RIMKLB: variants seen among roughly 807,000 people sequenced by gnomAD.
The protein encoded by RIMKLB is beta-citrylglutamate synthase B.
In RIMKLB, 7 loss-of-function variants were observed where a neutral mutation model predicts 32.0. The observed-to-expected ratio is 0.22, with a 90% CI of 0.12 to 0.41. RIMKLB has a LOEUF of 0.41. RIMKLB is among the 10% of genes least tolerant of loss of function. The pLI is 1.00. For missense variants in RIMKLB, 289 were observed against 498.7 expected (o/e 0.58, Z 4.00); for synonymous variants, 172 against 185.1 (o/e 0.93, Z 0.57).
Position 8,777,131 on chromosome 12 carries a change from A to T in RIMKLB, c.*3347A>T, listed in dbSNP as rs767613230. On this transcript the variant is annotated 3_prime_UTR_variant, in exon 6 of 6. Coordinates refer to ENST00000535829, the MANE Select transcript of RIMKLB (RefSeq NM_001297776.2). ...GTTTGTTTGTTCAATTTTATTTAAG[A>T]TTTGTTTTTGTTGTACTAGGATTTT... 16 of 976,788 alleles carry T rather than the reference A, an allele frequency of 1.6e-5. No homozygotes were observed. The East Asian group carries it at 1.3e-3, about 79-fold the overall frequency. The allele number at this position is 976,788 out of a possible 1,614,324, so 60.5% of individuals were successfully genotyped here. A position where few individuals can be genotyped will look rare whatever the true frequency, so the allele number is the denominator to read the frequency against.
chr12:8,681,922 G>A (rs1179738269), intron 1 of RIMKLB: 2 of 152,158 alleles, frequency 1.3e-5, no homozygotes, highest in Non-Finnish European at 2.9e-5. Context: ...TCAGTCGGAA[G>A]TACCGGGACT....
rs776992490 is a variant in RIMKLB, at chr12:8,767,359, A to C, written c.698-5962A>C. On this transcript the variant is annotated intron_variant, in intron 5 of 5. Coordinates refer to ENST00000535829, the MANE Select transcript of RIMKLB (RefSeq NM_001297776.2). ...GCTGTATGCCTAAATTGGGAGAGAC[A>C]CCAGGGACAAGACTCTCTGGCTTCG... Among the ~76,000 whole-genome samples, 24 of 152,284 alleles carry C rather than the reference A, an allele frequency of 1.6e-4. No homozygotes were observed. In the East Asian group the frequency reaches 4.0e-3, roughly 26 times the overall value.
chr12:8,688,808 G>A (rs1190871662), intron 1 of RIMKLB, among the ~76,000 whole-genome samples: 1 of 151,980 alleles, frequency 6.6e-6, no homozygotes, highest in Non-Finnish European at 1.5e-5. Flanking sequence ...TTAAAATAAT[G>A]TGTGAAGTGC....
chr12:8,670,008 C>T, the RIMKLB span, among the ~76,000 whole-genome samples: 6 of 115,784 alleles, frequency 5.2e-5, no homozygotes, highest in Admixed American at 3.8e-4. Context: ...GCCTGGGCGA[C>T]AGAGCAAGAC....
chr12:8,781,867 G>A (rs12299708), downstream of RIMKLB, among the ~76,000 whole-genome samples: 1 of 151,900 alleles, frequency 6.6e-6, no homozygotes, highest in South Asian at 2.1e-4. Flanking sequence ...GAATGTAAAT[G>A]TCAATTAAAT....
At chr12:8,781,019 AAT>A (rs754164843), downstream of RIMKLB, among the ~76,000 whole-genome samples, 18 of 152,230 alleles carry the variant, frequency 1.2e-4, no homozygotes, top group Non-Finnish European at 2.1e-4. Flanking sequence ...AGATAAATAA[AAT>A]ATGCATTGTT....
chr12:8,740,185 T>TA (rs1947373583), intron 2 of RIMKLB, among the ~76,000 whole-genome samples: 1 of 152,206 alleles, frequency 6.6e-6, no homozygotes. Context: ...GGATTATAAG[T>TA]GTAAGCTACC....
intron 2 of RIMKLB, among the ~76,000 whole-genome samples, chr12:8,740,688 C>T (rs1229555354): frequency 6.6e-6 from 1 of 152,214 alleles, no homozygotes; most frequent in African/African-American, 2.4e-5. Flanking sequence ...GAGCATATGT[C>T]TACTTTTGCT....
intron 2 of RIMKLB, among the ~76,000 whole-genome samples, chr12:8,736,172 T>C (rs1946985854): frequency 6.6e-6 from 1 of 152,244 alleles, no homozygotes; most frequent in African/African-American, 2.4e-5. Flanking sequence ...ATTTTAGTTT[T>C]AAGGATGGGC....
rs1445737752 is a variant in RIMKLB at position 8,715,228 on chromosome 12, C to CCTTTTTTTTTTTTTTTTTTTTTTTT, written c.175+1187_175+1188insCTTTTTTTTTTTTTTTTTTTTTTTT. Among the ~76,000 whole-genome samples the CCTTTTTTTTTTTTTTTTTTTTTTTT allele has an allele frequency of 1.9e-4, 24 of 123,736 alleles. 1 individual carries two copies. The highest frequency in any genetic ancestry group is 7.6e-4 in the African/African-American group (23 of 30,318). 81.2% of individuals were successfully genotyped at this position (123,736 alleles called of 152,430 possible). ...GCTTAAATGGATAAGTGCTCTTGTT[C>CCTTTTTTTTTTTTTTTTTTTTTTTT]TTTTTTTTTTTTTTTTTTGGAGACA... On this transcript the variant is annotated intron_variant, in intron 2 of 5. Transcript: ENST00000535829.
intron 2 of RIMKLB, among the ~76,000 whole-genome samples, chr12:8,740,347 G>A (rs1947389342): frequency 6.6e-6 from 1 of 152,118 alleles, no homozygotes; most frequent in Admixed American, 6.5e-5. Flanking sequence ...ATTTTTTACA[G>A]TGTTTTTTAT....
intron 1 of RIMKLB, among the ~76,000 whole-genome samples, chr12:8,699,319 C>T (rs1169848634): frequency 1.3e-5 from 2 of 152,052 alleles, no homozygotes; most frequent in Non-Finnish European, 2.9e-5. Flanking sequence ...TAATTATTAA[C>T]TATAACCATT....
At chr12:8,779,152 A>C (rs905409578), downstream of RIMKLB, 3 of 152,238 alleles carry the variant, frequency 2.0e-5, no homozygotes, top group African/African-American at 7.2e-5. Context: ...CTAACATTAG[A>C]GCATACAGAC....
intron 1 of RIMKLB, among the ~76,000 whole-genome samples, chr12:8,707,417 A>G (rs900836290): frequency 6.6e-6 from 1 of 152,232 alleles, no homozygotes. Context: ...AGGGCAAAGT[A>G]TGGAAAAGGG....
At chr12:8,715,975 T>A (rs1337100183) in intron 2 of RIMKLB, among the ~76,000 whole-genome samples, 1 of 152,218 alleles carries the variant, frequency 6.6e-6, no homozygotes, top group African/African-American at 2.4e-5. Context: ...CAGTTATTAT[T>A]GAAATTGGAG....
the RIMKLB span, among the ~76,000 whole-genome samples, chr12:8,670,316 G>A: frequency 1.3e-5 from 2 of 152,114 alleles, no homozygotes; most frequent in African/African-American, 2.4e-5. Context: ...TTCCACCTAT[G>A]AGCCTGTAAA....
chr12:8,734,537 CAT>C, intron 2 of RIMKLB, among the ~76,000 whole-genome samples: 2 of 152,190 alleles, frequency 1.3e-5, no homozygotes, highest in East Asian at 3.9e-4. Flanking sequence ...TTTATTAAAT[CAT>C]ATAGTATTTA....
At chr12:8,763,558 G>T (rs1484913286) in intron 5 of RIMKLB, among the ~76,000 whole-genome samples, 2 of 152,222 alleles carry the variant, frequency 1.3e-5, no homozygotes, top group East Asian at 3.8e-4. Context: ...ATATAGGCTG[G>T]ATACGTTCCT....
chr12:8,699,172 C>A (rs771486795), intron 1 of RIMKLB, among the ~76,000 whole-genome samples: 1 of 152,064 alleles, frequency 6.6e-6, no homozygotes, highest in Non-Finnish European at 1.5e-5. Context: ...GTCATTTTCC[C>A]ATTAGTTATA....
Sources: allele counts gnomAD v4.1 joint callset (sites outside exome capture counted in the v4.1 genomes callset), GRCh38; gene constraint gnomAD v4.1.1; transcripts MANE v1.5; gene names NCBI Gene and HGNC (gene_info 2026-07-23, HGNC 2026-07-21).